The following PFKFB3 variants were observed in gnomAD, a reference collection of about 807,000 sequenced individuals.
PFKFB3 encodes 6-phosphofructo-2-kinase/fructose-2,6-biphosphatase 3.
Under a neutral mutation model 68.0 loss-of-function variants are expected in PFKFB3, and 33 were observed. That is an observed-to-expected ratio of 0.49 (90% CI 0.37 to 0.65). The LOEUF is 0.65. PFKFB3 is among the 30% of genes least tolerant of loss of function. PFKFB3 has a pLI of 0.00. For missense variants in PFKFB3, 586 were observed against 712.2 expected, an observed-to-expected ratio of 0.82 and a Z score of 2.02; for synonymous variants, 315 against 288.2, an observed-to-expected ratio of 1.09 and a Z score of -0.94.
intron 1 of PFKFB3, among the ~76,000 whole-genome samples, chr10:6,177,390 T>TTCTTTCTTTCTTTCTTTCTTTCTTTC: frequency 1.6e-5 from 1 of 63,720 alleles, no homozygotes; most frequent in South Asian, 7.9e-4. Context: ...CTTTCTTTCT[T>TTCTTTCTTTCTTTCTTTCTTTCTTTC]TCTTTCTTTC....
rs1409649401 is a variant in PFKFB3, at chr10:6,220,600, G to A, written c.624-58G>A. 2.7e-6 allele frequency: 4 copies of A among 1,503,158 alleles called. No individual in the cohort carries two copies. The highest frequency in any genetic ancestry group is 1.4e-5 in the African/African-American group (1 of 72,956). 93.1% of individuals were successfully genotyped at this position (1,503,158 alleles called of 1,614,324 possible). A position where few individuals can be genotyped will look rare whatever the true frequency, so the allele number is the denominator to read the frequency against. On this transcript the variant is annotated intron_variant, in intron 7 of 14. Transcript: ENST00000379775. The surrounding 1 kb of genome is among the most constrained non-coding windows in gnomAD (Gnocchi z 4.1). ...GATCACATCTTCGGAGACGGGCCAG[G>A]TGCATCCTGCTGTGGGTGGTGGCCT... is the stretch of plus-strand genomic sequence containing the variant.
chr10:6,201,813 T>A (rs890576539), upstream of PFKFB3, among the ~76,000 whole-genome samples: 11 of 148,306 alleles, frequency 7.4e-5, no homozygotes, highest in African/African-American at 2.7e-4. The surrounding 1 kb of genome is among the most constrained non-coding windows in gnomAD (Gnocchi z 4.1). Context: ...GTTACATCCG[T>A]CCCGGCGCGG....
chr10:6,203,432 G>T (rs1211816105), intron 1 of PFKFB3, 96 bp downstream of exon 1: 3 of 757,918 alleles, frequency 4.0e-6, no homozygotes, highest in African/African-American at 1.9e-5. Flanking sequence ...TCTGCGGGGG[G>T]CGCGCCCGTG....
At chr10:6,241,126 C>T (rs1446064466) in intron 14 of PFKFB3, among the ~76,000 whole-genome samples, 2 of 151,972 alleles carry the variant, frequency 1.3e-5, no homozygotes, top group Non-Finnish European at 2.9e-5. Flanking sequence ...AGGCTGGTCT[C>T]GAACTCCTGA....
chr10:6,171,105 T>G (rs1588415409), intron 1 of PFKFB3, among the ~76,000 whole-genome samples: 1 of 152,152 alleles, frequency 6.6e-6, no homozygotes, highest in African/African-American at 2.4e-5. Context: ...AATGGTGCAA[T>G]GGCGTGTTCT....
At chr10:6,313,645 T>C in the PFKFB3 span, among the ~76,000 whole-genome samples, 5 of 152,206 alleles carry the variant, frequency 3.3e-5, no homozygotes, top group Non-Finnish European at 5.9e-5. This position sits in a 1 kb window ranked among gnomAD's most constrained non-coding sequence, Gnocchi z 4.2. Context: ...TGCTGCGGTT[T>C]CATGATTTGT....
chr10:6,324,495 C>T, the PFKFB3 span, among the ~76,000 whole-genome samples: 4 of 151,618 alleles, frequency 2.6e-5, no homozygotes, highest in East Asian at 1.9e-4. Flanking sequence ...GGCGTGATCT[C>T]GGCTCACTGC....
rs577771069 is a variant in PFKFB3 at position 6,151,686 on chromosome 10, G to T, written c.16+6673G>T. On this transcript the variant is annotated intron_variant, in intron 1 of 14. Coordinates refer to the PFKFB3 transcript ENST00000379789. ...CAGCAGTGGAGAAAGATCCAATCAG[G>T]CAGGCAGGGGCAAACGGGAAGTCGG... Among the ~76,000 whole-genome samples, 5 of 152,314 alleles carry T rather than the reference G, an allele frequency of 3.3e-5. No homozygotes were observed. The South Asian group carries it at 1.0e-3, about 32-fold the overall frequency.
chr10:6,218,739 G>A (rs899369325), intron 6 of PFKFB3, among the ~76,000 whole-genome samples: 1 of 152,068 alleles, frequency 6.6e-6, no homozygotes, highest in Non-Finnish European at 1.5e-5. Context: ...GGCCATTTTA[G>A]CTATTTTTTA....
At chr10:6,293,530 G>C in the PFKFB3 span, 1 of 192,948 alleles carries the variant, frequency 5.2e-6, no homozygotes, top group African/African-American at 2.4e-5. Context: ...AGTTTTAGTA[G>C]AGATGGGGTT....
chr10:6,229,811 T>TA lies in PFKFB3; in HGVS notation c.1516-3083dup, dbSNP rs1845613772. ...GAGAATTTTCCCCACCATGGCAGGG[T>TA]AGGGGATGGTTTGGGGATAAAACTG... is the stretch of plus-strand genomic sequence containing the variant. On this transcript the variant is annotated intron_variant, in intron 14 of 14. Coordinates refer to ENST00000379775, the MANE Select transcript of PFKFB3 (RefSeq NM_004566.4). The surrounding 1 kb of genome is among the most constrained non-coding windows in gnomAD (Gnocchi z 4.3). Among the ~76,000 whole-genome samples the TA allele has an allele frequency of 6.6e-6, 1 of 152,032 alleles. No individual in the cohort carries two copies. Among genetic ancestry groups the TA allele is most frequent in the Non-Finnish European group, 1.5e-5 (1 of 67,990 alleles).
In PFKFB3 at chr10:6,203,241, C is replaced by G. The variant is rs753338368; in HGVS notation, c.-20C>G. The G allele has an allele frequency of 2.5e-6, 4 of 1,604,542 alleles. No homozygotes were observed. Among genetic ancestry groups the G allele is most frequent in the Non-Finnish European group, 3.4e-6 (4 of 1,176,444 alleles). ...GGGATCTCGGCCCCGGGAGGCGGGC[C>G]GTCGGGCGCAGCCGCGAAGATGCCG... On this transcript the variant is annotated 5_prime_UTR_variant, in exon 1 of 15. Coordinates refer to ENST00000379775, the MANE Select transcript of PFKFB3 (RefSeq NM_004566.4).
At chr10:6,168,014 A>G (rs1044870996) in intron 1 of PFKFB3, among the ~76,000 whole-genome samples, 1 of 152,196 alleles carries the variant, frequency 6.6e-6, no homozygotes, top group African/African-American at 2.4e-5. Context: ...TAAATGACAG[A>G]TAGTAGCTCA....
chr10:6,210,364 G>GTTTT (rs1375867755), intron 1 of PFKFB3, among the ~76,000 whole-genome samples: 1 of 58,638 alleles, frequency 1.7e-5, no homozygotes, highest in Non-Finnish European at 4.4e-5. Flanking sequence ...TTGTTTTTTT[G>GTTTT]TTTTTTTTTT....
At chr10:6,190,646 C>CA (rs1217039614) in intron 1 of PFKFB3, among the ~76,000 whole-genome samples, 4 of 152,128 alleles carry the variant, frequency 2.6e-5, no homozygotes, top group African/African-American at 9.7e-5. Flanking sequence ...TACAAAAAAA[C>CA]AAAAACAAAA....
chr10:6,293,273 T>G, the PFKFB3 span: 462 of 421,088 alleles, frequency 1.1e-3, 1 homozygote, highest in Non-Finnish European at 1.9e-3. Context: ...TCTGTTGATT[T>G]CACAGATGTT....
intron 1 of PFKFB3, chr10:6,146,525 G>A: frequency 6.5e-7 from 1 of 1,528,952 alleles, no homozygotes; most frequent in East Asian, 2.5e-5. Context: ...GACTCTGTGG[G>A]TTCTCTGGAG....
chr10:6,167,638 G>A (rs1038984334), intron 1 of PFKFB3, among the ~76,000 whole-genome samples: 2 of 152,196 alleles, frequency 1.3e-5, no homozygotes, highest in African/African-American at 4.8e-5. Context: ...AACTCAGCCA[G>A]AAAATACCAG....
chr10:6,191,016 C>T (rs1843008818), intron 1 of PFKFB3, among the ~76,000 whole-genome samples: 2 of 152,028 alleles, frequency 1.3e-5, no homozygotes, highest in South Asian at 2.1e-4. Flanking sequence ...TGGGCTTAAG[C>T]GATCCTCCCA....
Sources: gnomAD v4.1 joint callset for allele counts (sites outside exome capture counted in the v4.1 genomes callset) on GRCh38, gnomAD v4.1.1 for gene constraint, Gnocchi (gnomAD v3.1) non-coding constraint, MANE v1.5 for transcripts, NCBI Gene and HGNC (gene_info 2026-07-23, HGNC 2026-07-21) for gene names.